Variants in MAP3K20 observed in about 807,000 individuals in gnomAD.
MAP3K20 encodes mitogen-activated protein kinase kinase kinase 20, also known as HCCS-4.
MAP3K20 carries 40 observed loss-of-function variants against 85.7 expected under a neutral mutation model. That is an observed-to-expected ratio of 0.47 (90% CI 0.36 to 0.61). The LOEUF (loss-of-function observed/expected upper bound fraction) is 0.61. MAP3K20 is among the 20% of genes least tolerant of loss of function. The pLI, the probability that MAP3K20 is intolerant of heterozygous loss-of-function variation, is 0.00. For synonymous variants in MAP3K20, 325 were observed against 327.7 expected (o/e 0.99, Z 0.09); for missense variants, 817 against 961.7 (o/e 0.85, Z 1.99).
chr2:173,081,425 G>A (rs1259628310), intron 1 of MAP3K20, among the ~76,000 whole-genome samples: 1 of 152,140 alleles, frequency 6.6e-6, no homozygotes, highest in East Asian at 1.9e-4. Flanking sequence ...ATGGGAATAA[G>A]CACACGAGGA....
Position 173,266,770 on chromosome 2 carries a change from T to C in MAP3K20, c.*20T>C. ...TTTTGATGAATTGAACTACATAGCT[T>C]TTCTAAGCAGGTTAAAAAAAAAAAA... On this transcript the variant is annotated 3_prime_UTR_variant, in exon 20 of 20. Transcript: ENST00000375213. The C allele has an allele frequency of 7.4e-7, 1 of 1,349,536 alleles. No homozygotes were observed. Among genetic ancestry groups the C allele is most frequent in the Non-Finnish European group, 9.7e-7 (1 of 1,030,022 alleles). The allele number at this position is 1,349,536 out of a possible 1,614,324, so 83.6% of individuals were successfully genotyped here.
At position 173,198,051 on chromosome 2, in the gene MAP3K20, A is replaced by C. The variant is rs1471830174; in HGVS notation, c.608A>C (p.Glu203Ala). Reference sequence around the variant, plus strand: ...GTTCTCTGGGAGATGCTAACAAGGGAGGTCCCCTTTAAAGGTTTGGAAGGA... The same window carrying C: ...GTTCTCTGGGAGATGCTAACAAGGGCGGTCCCCTTTAAAGGTTTGGAAGGA... ...GVVLWEMLTR[E>A]VPFKGLEGLQ... Residue 203 changes from glutamate to alanine, a missense_variant, in exon 8 of 20, where the codon GAG (glutamate) becomes GCG (alanine). Physicochemically the swap from Glu to Ala is moderately radical, Grantham distance 107. This residue lies in a region of MAP3K20 where 200 missense variants were observed against 302.7 expected (regional missense o/e 0.66). Coordinates refer to ENST00000375213, the MANE Select transcript of MAP3K20 (RefSeq NM_016653.3). The surrounding 1 kb of genome is among the most constrained non-coding windows in gnomAD (Gnocchi z 5.8). 6.2e-7 allele frequency: 1 copy of C among 1,612,736 alleles called. No individual in the cohort carries two copies. Among genetic ancestry groups the C allele is most frequent in the African/African-American group, 1.3e-5 (1 of 74,870 alleles).
intron 2 of MAP3K20, among the ~76,000 whole-genome samples, chr2:173,163,466 T>C (rs903338755): frequency 1.3e-5 from 2 of 152,242 alleles, no homozygotes; most frequent in Non-Finnish European, 2.9e-5. Context: ...CTTGTTCTTT[T>C]TTATGGCTGC....
chr2:173,134,187 A>G (rs1688704451), intron 2 of MAP3K20, among the ~76,000 whole-genome samples: 1 of 144,516 alleles, frequency 6.9e-6, no homozygotes, highest in Admixed American at 7.0e-5. Flanking sequence ...TGTTTTCAAT[A>G]GCTATCTTTT....
chr2:173,200,922 G>A lies in MAP3K20; in HGVS notation c.669+2810G>A, dbSNP rs190683956. ...GCTGGGATTACAGGCATGAGCCAACGTGCCCGGCCAAAAAAGTTTTTTAAA... is the reference window on the plus strand; with the variant it reads ...GCTGGGATTACAGGCATGAGCCAACATGCCCGGCCAAAAAAGTTTTTTAAA... On this transcript the variant is annotated intron_variant, in intron 8 of 19. Coordinates refer to ENST00000375213, the MANE Select transcript of MAP3K20 (RefSeq NM_016653.3). 2.5e-4 allele frequency among the ~76,000 whole-genome samples: 38 copies of A among 152,242 alleles called. No individual in the cohort carries two copies. The East Asian group carries it at 4.4e-3, about 18-fold the overall frequency.
chr2:173,259,923 A>G (rs1685249369), intron 17 of MAP3K20, among the ~76,000 whole-genome samples: 1 of 152,234 alleles, frequency 6.6e-6, no homozygotes, highest in African/African-American at 2.4e-5. Context: ...TTCTGCTATC[A>G]TGCCATACAT....
intron 2 of MAP3K20, among the ~76,000 whole-genome samples, chr2:173,123,184 A>G (rs1172088484): frequency 6.6e-6 from 1 of 152,184 alleles, no homozygotes; most frequent in Non-Finnish European, 1.5e-5. Flanking sequence ...CAGTCAACCA[A>G]CCAAGTAAGC....
chr2:173,177,850 T>C (rs1690207836), intron 3 of MAP3K20, among the ~76,000 whole-genome samples: 1 of 146,294 alleles, frequency 6.8e-6, no homozygotes, highest in African/African-American at 2.5e-5. Flanking sequence ...AGGAAATGTA[T>C]AGCTTTCAAC....
chr2:173,209,858 C>T (rs1574114055), intron 10 of MAP3K20, 23 bp downstream of exon 10: 4 of 1,595,430 alleles, frequency 2.5e-6, no homozygotes, highest in Non-Finnish European at 2.6e-6. Context: ...GACAGCAGGC[C>T]ACAGCGTCTG....
chr2:173,136,543 G>A (rs947929385), intron 2 of MAP3K20, among the ~76,000 whole-genome samples: 1 of 152,174 alleles, frequency 6.6e-6, no homozygotes, highest in African/African-American at 2.4e-5. Flanking sequence ...GATTCTAAAT[G>A]ACAATCTTTT....
intron 2 of MAP3K20, among the ~76,000 whole-genome samples, chr2:173,122,702 A>G (rs1297944571): frequency 1.3e-5 from 2 of 152,164 alleles, no homozygotes; most frequent in African/African-American, 4.8e-5. Flanking sequence ...GTATTGTAGT[A>G]AACTGCATAC....
chr2:173,112,964 G>T (rs1298679073), intron 2 of MAP3K20, among the ~76,000 whole-genome samples: 1 of 151,940 alleles, frequency 6.6e-6, no homozygotes, highest in African/African-American at 2.4e-5. Context: ...TTCTTTCTCT[G>T]TCTTGTGGAA....
chr2:173,084,205 G>A (rs568893736), intron 1 of MAP3K20, among the ~76,000 whole-genome samples: 2 of 152,036 alleles, frequency 1.3e-5, no homozygotes, highest in African/African-American at 4.8e-5. Flanking sequence ...CACTGTGCCC[G>A]GCCAAAGTAG....
chr2:173,256,927 G>A (rs1685175406), intron 16 of MAP3K20, among the ~76,000 whole-genome samples: 1 of 152,160 alleles, frequency 6.6e-6, no homozygotes, highest in Admixed American at 6.5e-5. Context: ...TGAAGTGGGA[G>A]GATCACTTGA....
At position 173,266,805 on chromosome 2, in the gene MAP3K20, TG is replaced by T; in HGVS notation, c.*56del. 5 of 1,002,630 alleles carry T rather than the reference TG, an allele frequency of 5.0e-6. No individual in the cohort carries two copies. The highest frequency in any genetic ancestry group is 3.0e-4 in the Middle Eastern group (1 of 3,304). The allele number at this position is 1,002,630 out of a possible 1,614,324, so 62.1% of individuals were successfully genotyped here. ...GGTTAAAAAAAAAAAAAAAAAGAAA[TG>T]TAATGGTTTTTGATAATATGATCCC... is the stretch of plus-strand genomic sequence containing the variant. On this transcript the variant is annotated 3_prime_UTR_variant, in exon 20 of 20. Coordinates refer to ENST00000375213, the MANE Select transcript of MAP3K20 (RefSeq NM_016653.3).
At chr2:173,241,761 G>C (rs1684788483) in intron 16 of MAP3K20, among the ~76,000 whole-genome samples, 1 of 152,110 alleles carries the variant, frequency 6.6e-6, no homozygotes, top group Admixed American at 6.6e-5. Context: ...TTCTTTACCT[G>C]CTGAATGAAA....
At chr2:173,083,898 A>G (rs1020676892) in intron 1 of MAP3K20, among the ~76,000 whole-genome samples, 18 of 152,154 alleles carry the variant, frequency 1.2e-4, no homozygotes, top group Non-Finnish European at 2.9e-5. Context: ...TTTTCTTCCT[A>G]TATTGTATAA....
At chr2:173,136,832 A>G (rs1688812494) in intron 2 of MAP3K20, among the ~76,000 whole-genome samples, 1 of 152,244 alleles carries the variant, frequency 6.6e-6, no homozygotes, top group Admixed American at 6.5e-5. Flanking sequence ...AAAAGCTCAC[A>G]TAGAGAATCA....
At chr2:173,175,762 A>G (rs996822946) in intron 3 of MAP3K20, among the ~76,000 whole-genome samples, 3 of 152,054 alleles carry the variant, frequency 2.0e-5, no homozygotes, top group Non-Finnish European at 2.9e-5. Flanking sequence ...TTGGAGGTTG[A>G]TTGATGAATT....
Sources: allele counts gnomAD v4.1 joint callset (sites outside exome capture counted in the v4.1 genomes callset), GRCh38; gene constraint gnomAD v4.1.1; regional missense constraint gnomAD v4.1.1; non-coding constraint Gnocchi (gnomAD v3.1); transcripts MANE v1.5; gene names NCBI Gene and HGNC (gene_info 2026-07-23, HGNC 2026-07-21).